DACH2: variants seen among roughly 807,000 people sequenced by gnomAD.
The protein encoded by DACH2 is dachshund family transcription factor 2.
In DACH2, 17 loss-of-function variants were observed where a neutral mutation model predicts 35.8. The observed-to-expected ratio is 0.48, with a 90% CI of 0.33 to 0.71. The LOEUF (loss-of-function observed/expected upper bound fraction) is 0.71. DACH2 is among the 30% of genes least tolerant of loss of function. The probability of loss-of-function intolerance (pLI) is 0.02; values close to 1 mark genes in which losing one functional copy is unlikely to be tolerated. For synonymous variants in DACH2, 195 were observed against 177.3 expected, an observed-to-expected ratio of 1.10 and a Z score of -0.79; for missense variants, 469 against 472.7, an observed-to-expected ratio of 0.99 and a Z score of 0.07.
chrX:86,556,795 T>TATATAGAGAGAGAGAGAG (rs1232719385), intron 3 of DACH2, among the ~76,000 whole-genome samples: 2 of 25,309 alleles, frequency 7.9e-5, no homozygotes, highest in African/African-American at 1.8e-4. Context: ...TATATATATA[T>TATATAGAGAGAGAGAGAG]AGAGAGAGAG....
chrX:86,204,806 G>T (rs1330638600), intron 1 of DACH2, among the ~76,000 whole-genome samples: 1 of 111,874 alleles, frequency 8.9e-6, no homozygotes, highest in African/African-American at 3.3e-5. Flanking sequence ...TCGGATGGGA[G>T]ATATTATTCC....
chrX:86,785,704 G>A lies in DACH2; in HGVS notation c.1241-27152G>A, dbSNP rs193009629. Among the ~76,000 whole-genome samples the A allele has an allele frequency of 1.2e-4, 13 of 111,604 alleles. No individual in the cohort carries two copies. In the Admixed American group the frequency reaches 1.2e-3, roughly 11 times the overall value. On this transcript the variant is annotated intron_variant, in intron 7 of 11. Coordinates refer to ENST00000373125, the MANE Select transcript of DACH2 (RefSeq NM_053281.3). ...GGTCAAGAAAAATCATTTTTAATAT[G>A]TGAAAACCTTAGGAGCATAATTCAT...
chrX:86,369,881 CATA>C (rs1226145243), intron 1 of DACH2, among the ~76,000 whole-genome samples: 8 of 111,201 alleles, frequency 7.2e-5, no homozygotes, highest in Admixed American at 1.9e-4. Context: ...AATCATGTAT[CATA>C]ATTAATTATG....
chrX:86,626,094 C>T (rs937231716), intron 3 of DACH2, among the ~76,000 whole-genome samples: 12 of 112,109 alleles, frequency 1.1e-4, no homozygotes, highest in Non-Finnish European at 2.3e-4. Context: ...CACCTATGAA[C>T]CTGTAAAATC....
chrX:86,237,530 C>T (rs1444420452), intron 1 of DACH2, among the ~76,000 whole-genome samples: 1 of 111,123 alleles, frequency 9.0e-6, no homozygotes, highest in African/African-American at 3.3e-5. Context: ...GCTTTGTCAT[C>T]CAGAAACCTC....
At chrX:86,612,395 G>A (rs944509611) in intron 3 of DACH2, among the ~76,000 whole-genome samples, 2 of 110,539 alleles carry the variant, frequency 1.8e-5, no homozygotes, top group Non-Finnish European at 3.8e-5. Flanking sequence ...CTGGCTCTAA[G>A]CTCAGCACAG....
At chrX:86,375,858 AACTAACCAC>A (rs1316504203) in intron 1 of DACH2, among the ~76,000 whole-genome samples, 1 of 110,644 alleles carries the variant, frequency 9.0e-6, no homozygotes, top group African/African-American at 3.3e-5. Flanking sequence ...AAAGATTATG[AACTAACCAC>A]ATATACTTGT....
At chrX:86,557,754 T>C (rs2039154337) in intron 3 of DACH2, among the ~76,000 whole-genome samples, 1 of 50,891 alleles carries the variant, frequency 2.0e-5, no homozygotes, top group Non-Finnish European at 4.0e-5. Context: ...GTTGTTGGTG[T>C]ATAAGAATGC....
chrX:86,664,292 A>C (rs2040641609), intron 4 of DACH2, among the ~76,000 whole-genome samples: 1 of 111,527 alleles, frequency 9.0e-6, no homozygotes, highest in Non-Finnish European at 1.9e-5. Context: ...AGATATATCA[A>C]GCAGTAGTAA....
intron 3 of DACH2, among the ~76,000 whole-genome samples, chrX:86,527,318 C>G (rs1255133436): frequency 8.9e-6 from 1 of 111,830 alleles, no homozygotes; most frequent in Non-Finnish European, 1.9e-5. Context: ...TGAGCATACT[C>G]ATTTTCTCAA....
chrX:86,153,448 G>A (rs978313376), intron 1 of DACH2, among the ~76,000 whole-genome samples: 1 of 111,261 alleles, frequency 9.0e-6, no homozygotes, highest in Non-Finnish European at 1.9e-5. Context: ...CACTTGATGA[G>A]TACTTTATAG....
chrX:86,550,826 G>GA (rs760766418), intron 3 of DACH2, among the ~76,000 whole-genome samples: 3 of 111,524 alleles, frequency 2.7e-5, no homozygotes, highest in African/African-American at 9.8e-5. Context: ...GCACCATGTG[G>GA]AAAAAAATGG....
intron 3 of DACH2, among the ~76,000 whole-genome samples, chrX:86,642,623 G>T (rs1279879884): frequency 2.7e-5 from 3 of 111,798 alleles, no homozygotes; most frequent in Non-Finnish European, 3.8e-5. Flanking sequence ...GACCTTCACA[G>T]AATTCTTCAC....
chrX:86,420,510 A>G (rs764083457), intron 2 of DACH2, among the ~76,000 whole-genome samples: 7 of 109,935 alleles, frequency 6.4e-5, no homozygotes, highest in African/African-American at 2.3e-4. Flanking sequence ...GGTACTGTGC[A>G]TGTACTTGTG....
intron 2 of DACH2, among the ~76,000 whole-genome samples, chrX:86,411,168 A>G (rs2036608601): frequency 9.5e-6 from 1 of 105,127 alleles, no homozygotes; most frequent in Non-Finnish European, 1.9e-5. Flanking sequence ...TTGGAGTCCG[A>G]TGTTCGAGGG....
At chrX:86,653,852 A>G (rs1227649161) in intron 4 of DACH2, among the ~76,000 whole-genome samples, 3 of 109,183 alleles carry the variant, frequency 2.7e-5, no homozygotes, top group Non-Finnish European at 3.8e-5. Flanking sequence ...CTTTTAGTAG[A>G]GAAGGGGTTT....
intron 4 of DACH2, among the ~76,000 whole-genome samples, chrX:86,681,226 G>A (rs73508417): frequency 9.0e-6 from 1 of 111,526 alleles, no homozygotes; most frequent in African/African-American, 3.3e-5. Context: ...TATTCCTAAT[G>A]CTTGTCTAGC....
chrX:86,432,905 T>C (rs1190513721), intron 2 of DACH2, among the ~76,000 whole-genome samples: 1 of 111,888 alleles, frequency 8.9e-6, no homozygotes, highest in Non-Finnish European at 1.9e-5. Flanking sequence ...CACTGGAGAA[T>C]TGGAGACAAT....
chrX:86,204,747 C>G (rs2032241489), intron 1 of DACH2, among the ~76,000 whole-genome samples: 1 of 111,835 alleles, frequency 8.9e-6, no homozygotes, highest in Middle Eastern at 4.7e-3. Flanking sequence ...TATTCCAAAG[C>G]CTTTTATCCA....
Sources: gnomAD v4.1 joint callset for allele counts (sites outside exome capture counted in the v4.1 genomes callset) on GRCh38, gnomAD v4.1.1 for gene constraint, MANE v1.5 for transcripts, NCBI Gene and HGNC (gene_info 2026-07-23, HGNC 2026-07-21) for gene names.